Variants in PRKAG2 observed in about 807,000 individuals in gnomAD.
The protein encoded by PRKAG2 is protein kinase AMP-activated non-catalytic subunit gamma 2, also known as 5'-AMP-activated protein kinase subunit gamma-2.
A neutral mutation model predicts 69.6 loss-of-function variants in PRKAG2; 26 were observed. The ratio of observed to expected loss-of-function variants is 0.37; its 90% CI spans 0.27 to 0.52. PRKAG2 has a LOEUF of 0.52. Ranked by LOEUF, PRKAG2 falls within the 20% of genes least tolerant of loss-of-function variation. PRKAG2 has a pLI of 0.90. For synonymous variants in PRKAG2, 293 were observed against 285.0 expected, an observed-to-expected ratio of 1.03 and a Z score of -0.28; for missense variants, 557 against 740.0, an observed-to-expected ratio of 0.75 and a Z score of 2.87.
chr7:151,749,055 C>G (rs147696101), intron 3 of PRKAG2, among the ~76,000 whole-genome samples: 2 of 147,134 alleles, frequency 1.4e-5, no homozygotes, highest in Non-Finnish European at 2.9e-5. Flanking sequence ...TAGAGGCCCA[C>G]GGGCCAGATG....
chr7:151,675,871 A>T (rs750106698), intron 3 of PRKAG2, among the ~76,000 whole-genome samples: 2 of 152,048 alleles, frequency 1.3e-5, no homozygotes, highest in Non-Finnish European at 2.9e-5. Context: ...CCAAAACCTC[A>T]AATGGCAAGA....
chr7:151,816,705 G>T (rs924184840), intron 1 of PRKAG2, among the ~76,000 whole-genome samples: 2 of 152,230 alleles, frequency 1.3e-5, no homozygotes, highest in Non-Finnish European at 2.9e-5. Flanking sequence ...AGCCCCCCGG[G>T]CACCGATGCA....
chr7:151,572,459 C>A (rs749332192), intron 9 of PRKAG2: 3 of 455,576 alleles, frequency 6.6e-6, no homozygotes, highest in Non-Finnish European at 8.0e-6. Flanking sequence ...GTGTCCTATA[C>A]ATGTCTATAA....
intron 4 of PRKAG2, among the ~76,000 whole-genome samples, chr7:151,647,928 C>G (rs1827837074): frequency 6.6e-6 from 1 of 152,048 alleles, no homozygotes; most frequent in Non-Finnish European, 1.5e-5. Context: ...AGAACAGTTT[C>G]GACTTTGTGG....
At chr7:151,769,815 G>C (rs756941722) in intron 3 of PRKAG2, among the ~76,000 whole-genome samples, 1 of 152,206 alleles carries the variant, frequency 6.6e-6, no homozygotes, top group Admixed American at 6.5e-5. Context: ...TGACATGGCC[G>C]AGGGTGCACC....
intron 13 of PRKAG2, 167 bp from the exon 14 acceptor site, chr7:151,564,391 C>T: frequency 1.5e-6 from 1 of 663,714 alleles, no homozygotes; most frequent in South Asian, 1.8e-5. Context: ...GCCATTGCTA[C>T]TGTTATTTTG....
chr7:151,663,973 T>G (rs536268703), intron 4 of PRKAG2, among the ~76,000 whole-genome samples: 1 of 152,228 alleles, frequency 6.6e-6, no homozygotes, highest in Non-Finnish European at 1.5e-5. Flanking sequence ...CTCACTCTGC[T>G]GTTGCAGCAT....
At chr7:151,617,266 A>AGGAGGGAGGGAGGGAGGGAAGGAG (rs144872514) in intron 5 of PRKAG2, among the ~76,000 whole-genome samples, 2 of 96,216 alleles carry the variant, frequency 2.1e-5, no homozygotes, top group Non-Finnish European at 3.9e-5. Flanking sequence ...GAGCGAGGGA[A>AGGAGGGAGGGAGGGAGGGAAGGAG]GGAGGGAGGG....
Position 151,614,274 on chromosome 7 carries a change from G to A in PRKAG2, c.754+17795C>T, listed in dbSNP as rs957433592. ...GATCTGAGGGTATCCTCAGGAGCTC[G>A]CAGGGGACATGGGGCAGGGGCTGGC... On this transcript the variant is annotated intron_variant, in intron 5 of 15. Coordinates refer to ENST00000287878, the MANE Select transcript of PRKAG2 (RefSeq NM_016203.4). This position sits in a 1 kb window ranked among gnomAD's most constrained non-coding sequence, Gnocchi z 4.4. 4.6e-5 allele frequency among the ~76,000 whole-genome samples: 7 copies of A among 152,104 alleles called. No individual in the cohort carries two copies. The highest frequency in any genetic ancestry group is 1.0e-4 in the Non-Finnish European group (7 of 68,004).
At chr7:151,873,843 C>T (rs1365785743) in intron 1 of PRKAG2, among the ~76,000 whole-genome samples, 6 of 152,150 alleles carry the variant, frequency 3.9e-5, no homozygotes, top group East Asian at 1.9e-4. Flanking sequence ...TCACTCACAC[C>T]CTGCATTTGG....
intron 3 of PRKAG2, among the ~76,000 whole-genome samples, chr7:151,762,191 C>T (rs1388684740): frequency 1.3e-5 from 2 of 152,256 alleles, no homozygotes; most frequent in Admixed American, 6.5e-5. Context: ...GGGCCCAGGA[C>T]AGGTGGGGAG....
chr7:151,700,355 G>C (rs983624398), intron 3 of PRKAG2, among the ~76,000 whole-genome samples: 2 of 152,174 alleles, frequency 1.3e-5, no homozygotes, highest in East Asian at 1.9e-4. Flanking sequence ...CTGTTTGTTA[G>C]ACACGCAGAC....
chr7:151,610,033 AT>A (rs1183877363), intron 5 of PRKAG2, among the ~76,000 whole-genome samples: 5 of 152,142 alleles, frequency 3.3e-5, no homozygotes, highest in African/African-American at 1.2e-4. Context: ...CATGCTCCAC[AT>A]TTTAATATGT....
Position 151,741,137 on chromosome 7 carries a change from C to T in PRKAG2, c.466+40015G>A, listed in dbSNP as rs544308472. On this transcript the variant is annotated intron_variant, in intron 3 of 15. Coordinates refer to ENST00000287878, the MANE Select transcript of PRKAG2 (RefSeq NM_016203.4). ...CTGAGGCGGGAGGATTGCTTGAGCC[C>T]GGGAGGTCCAGGCTCTAGTGAGCCA... Among the ~76,000 whole-genome samples, 17 of 151,816 alleles carry T rather than the reference C, an allele frequency of 1.1e-4. No individual in the cohort carries two copies. The East Asian group carries it at 1.8e-3, about 16-fold the overall frequency.
chr7:151,818,843 G>A (rs569781689), intron 1 of PRKAG2, among the ~76,000 whole-genome samples: 5 of 152,356 alleles, frequency 3.3e-5, no homozygotes, highest in East Asian at 1.9e-4. Flanking sequence ...GGATGTAGAC[G>A]GTGTGGCATT....
chr7:151,656,192 C>T (rs375861148), intron 4 of PRKAG2, among the ~76,000 whole-genome samples: 3 of 152,166 alleles, frequency 2.0e-5, no homozygotes, highest in East Asian at 3.9e-4. Flanking sequence ...GAATGAGTCA[C>T]GAAAAACTGG....
At position 151,782,043 on chromosome 7, in the gene PRKAG2, G is replaced by A. The variant is rs540053726; in HGVS notation, c.187-612C>T. 7.2e-5 allele frequency among the ~76,000 whole-genome samples: 11 copies of A among 152,044 alleles called. No homozygotes were observed. The South Asian group carries it at 8.3e-4, about 11-fold the overall frequency. On this transcript the variant is annotated intron_variant, in intron 2 of 15. Coordinates refer to ENST00000287878, the MANE Select transcript of PRKAG2 (RefSeq NM_016203.4). ...TCCCAGCATTTTGGAAGGCCGAGGC[G>A]GGTGGATCAACTGAGGTCAGGAGTT... is the stretch of plus-strand genomic sequence containing the variant.
chr7:151,740,029 C>T (rs921245034), intron 3 of PRKAG2, among the ~76,000 whole-genome samples: 6 of 152,220 alleles, frequency 3.9e-5, no homozygotes, highest in Non-Finnish European at 8.8e-5. Flanking sequence ...AAGATAGGGG[C>T]CCAGGCCTCA....
At chr7:151,652,089 C>T (rs6968004) in intron 4 of PRKAG2, among the ~76,000 whole-genome samples, 2,114 of 152,264 alleles carry the variant, frequency 0.014, 50 homozygotes, top group African/African-American at 0.046. Context: ...TTAATTAGCT[C>T]GGTTTAATCA....
Sources: gnomAD v4.1 joint callset for allele counts (sites outside exome capture counted in the v4.1 genomes callset) on GRCh38, gnomAD v4.1.1 for gene constraint, Gnocchi (gnomAD v3.1) non-coding constraint, MANE v1.5 for transcripts, NCBI Gene and HGNC (gene_info 2026-07-23, HGNC 2026-07-21) for gene names.